The following DIAPH3 variants were observed in gnomAD, a reference collection of about 807,000 sequenced individuals.
The protein encoded by DIAPH3 is protein diaphanous homolog 3.
Under a neutral mutation model 144.3 loss-of-function variants are expected in DIAPH3, and 117 were observed. That is an observed-to-expected ratio of 0.81 (90% CI 0.70 to 0.95). The LOEUF is 0.95. DIAPH3 is among the 40% of genes least tolerant of loss of function. The pLI is 0.00. For synonymous variants in DIAPH3, 519 were observed against 488.9 expected, an observed-to-expected ratio of 1.06 and a Z score of -0.81; for missense variants, 1,421 against 1,412.7, an observed-to-expected ratio of 1.01 and a Z score of -0.09.
chr13:59,739,789 G>T lies in DIAPH3; in HGVS notation c.3319+34400C>A, dbSNP rs190675647. On this transcript the variant is annotated intron_variant, in intron 27 of 27. Transcript: ENST00000400324. Reference sequence around the variant, plus strand: ...CTACTCAAACATAATGGAGGACCCTGAAAAATACACAAGAGTATAAAGTCA... The same window carrying T: ...CTACTCAAACATAATGGAGGACCCTTAAAAATACACAAGAGTATAAAGTCA... Among the ~76,000 whole-genome samples, 19 of 152,054 alleles carry T rather than the reference G, an allele frequency of 1.2e-4. 1 individual carries two copies. In the East Asian group the frequency reaches 3.5e-3, roughly 28 times the overall value.
At position 59,974,412 on chromosome 13, in the gene DIAPH3, C is replaced by T. The variant is rs758896445; in HGVS notation, c.1590G>A (p.Leu530=). 6.2e-7 allele frequency: 1 copy of T among 1,611,558 alleles called. No homozygotes were observed. Among genetic ancestry groups the T allele is most frequent in the Non-Finnish European group, 8.5e-7 (1 of 1,179,340 alleles). ...FTDHQETQAE[L]QKKEAKINEL... is the part of the protein sequence containing the mutation. The stretch of plus-strand genomic sequence containing the variant: ...CATTAATCTTTGCCTCTTTTTTCTG[C>T]AATTCAGCCTGAGTTTCTTGGTGGT... Residue 530 remains leucine (L), a synonymous_variant, in exon 15 of 28, where the codon TTG becomes TTA. Transcript: ENST00000400324.
intron 3 of DIAPH3, among the ~76,000 whole-genome samples, chr13:60,102,713 G>A (rs1051322799): frequency 1.3e-5 from 2 of 152,132 alleles, no homozygotes; most frequent in African/African-American, 4.8e-5. Flanking sequence ...CACTTTTTCA[G>A]AGAACACTAG....
intron 3 of DIAPH3, among the ~76,000 whole-genome samples, chr13:60,106,456 T>C (rs980225399): frequency 6.6e-6 from 1 of 152,200 alleles, no homozygotes; most frequent in Non-Finnish European, 1.5e-5. Context: ...AGAATAGATT[T>C]ATGATGTCAG....
chr13:59,887,833 A>AT (rs1452023833), intron 20 of DIAPH3, among the ~76,000 whole-genome samples: 1 of 151,744 alleles, frequency 6.6e-6, no homozygotes, highest in Non-Finnish European at 1.5e-5. Flanking sequence ...GAATTTGTAT[A>AT]TTTTTCCATT....
intron 20 of DIAPH3, among the ~76,000 whole-genome samples, chr13:59,889,508 T>A (rs1403905058): frequency 6.6e-6 from 1 of 152,078 alleles, no homozygotes; most frequent in East Asian, 1.9e-4. Flanking sequence ...ACCATGTTTT[T>A]CTTTAATTCT....
intron 2 of DIAPH3, among the ~76,000 whole-genome samples, chr13:60,122,414 A>G (rs1241697178): frequency 6.6e-6 from 1 of 152,218 alleles, no homozygotes; most frequent in Admixed American, 6.5e-5. Flanking sequence ...TAATATGTAT[A>G]CAATTCTTTA....
At chr13:60,066,836 G>C (rs754071497) in intron 4 of DIAPH3, among the ~76,000 whole-genome samples, 4 of 152,102 alleles carry the variant, frequency 2.6e-5, no homozygotes, top group Admixed American at 6.5e-5. Context: ...ATTTTAGATT[G>C]CTCAATCATC....
At chr13:59,907,921 A>G (rs2046815088) in intron 20 of DIAPH3, among the ~76,000 whole-genome samples, 1 of 152,222 alleles carries the variant, frequency 6.6e-6, no homozygotes, top group African/African-American at 2.4e-5. Flanking sequence ...ATTACAGAAA[A>G]TGTGAAAAAT....
At chr13:60,008,084 G>A (rs1039426198) in intron 9 of DIAPH3, among the ~76,000 whole-genome samples, 11 of 152,020 alleles carry the variant, frequency 7.2e-5, no homozygotes, top group African/African-American at 2.4e-4. Flanking sequence ...AGTACAAATA[G>A]GAATTCTATA....
At chr13:59,832,948 A>G (rs969872909) in intron 24 of DIAPH3, 159 bp downstream of exon 24, 3 of 678,716 alleles carry the variant, frequency 4.4e-6, no homozygotes, top group Non-Finnish European at 7.7e-6. Flanking sequence ...AGAACAAACC[A>G]TACATTTTTC....
chr13:59,836,783 A>C (rs994900663), intron 23 of DIAPH3, among the ~76,000 whole-genome samples: 1 of 151,966 alleles, frequency 6.6e-6, no homozygotes, highest in African/African-American at 2.4e-5. Context: ...AATGAACCAA[A>C]CATTTGATAT....
At chr13:60,014,756 T>C (rs1049738429) in intron 7 of DIAPH3, among the ~76,000 whole-genome samples, 11 of 152,056 alleles carry the variant, frequency 7.2e-5, no homozygotes, top group African/African-American at 2.4e-4. Context: ...ACAGGTAAAA[T>C]TTCCCCCCCT....
intron 17 of DIAPH3, among the ~76,000 whole-genome samples, chr13:59,965,757 T>C (rs772943527): frequency 2.6e-5 from 4 of 152,160 alleles, no homozygotes; most frequent in Non-Finnish European, 5.9e-5. Flanking sequence ...ATGCTTCAAC[T>C]AAGTACTTGA....
At chr13:60,067,879 T>G (rs369765538) in intron 4 of DIAPH3, among the ~76,000 whole-genome samples, 2 of 152,280 alleles carry the variant, frequency 1.3e-5, no homozygotes, top group East Asian at 3.9e-4. Flanking sequence ...GCTTCTGTAT[T>G]TTAATCCCTA....
chr13:60,055,732 GAA>G (rs958517631), intron 4 of DIAPH3, among the ~76,000 whole-genome samples: 5 of 151,718 alleles, frequency 3.3e-5, no homozygotes, highest in Admixed American at 2.6e-4. Context: ...ATGAAAGAAA[GAA>G]ATGAAAAAAT....
intron 18 of DIAPH3, 106 bp downstream of exon 18, chr13:59,924,669 A>G: frequency 6.8e-7 from 1 of 1,473,074 alleles, no homozygotes; most frequent in Admixed American, 2.3e-5. Context: ...TGCATATAAT[A>G]ACAAAATGAA....
intron 25 of DIAPH3, among the ~76,000 whole-genome samples, chr13:59,797,750 A>C (rs578009576): frequency 1.3e-5 from 2 of 152,082 alleles, no homozygotes; most frequent in Admixed American, 6.6e-5. Flanking sequence ...CCATTGCCCT[A>C]CCTGAACCCC....
intron 17 of DIAPH3, among the ~76,000 whole-genome samples, chr13:59,962,582 G>A (rs1224847650): frequency 6.6e-6 from 1 of 152,122 alleles, no homozygotes; most frequent in Non-Finnish European, 1.5e-5. Flanking sequence ...ACTGCCATTA[G>A]GACCCAACGA....
At position 59,729,808 on chromosome 13, in the gene DIAPH3, A is replaced by ATTTTTTTTTTT. The variant is rs202135165; in HGVS notation, c.3319+44380_3319+44381insAAAAAAAAAAA. Among the ~76,000 whole-genome samples, 21 of 115,190 alleles carry ATTTTTTTTTTT rather than the reference A, an allele frequency of 1.8e-4. 1 individual carries two copies. The highest frequency in any genetic ancestry group is 5.5e-4 in the South Asian group (2 of 3,612). The allele number at this position is 115,190 out of a possible 152,430, so 75.6% of individuals were successfully genotyped here. A position where few individuals can be genotyped will look rare whatever the true frequency, so the allele number is the denominator to read the frequency against. ...TTTGTGACTTCCGGTGAATACATTA[A>ATTTTTTTTTTT]TATTTTTTTTTTTTTTTTTTTGAGA... On this transcript the variant is annotated intron_variant, in intron 27 of 27. Coordinates refer to ENST00000400324, the MANE Select transcript of DIAPH3 (RefSeq NM_001042517.2).
Sources: gnomAD v4.1 joint callset for allele counts (sites outside exome capture counted in the v4.1 genomes callset) on GRCh38, gnomAD v4.1.1 for gene constraint, MANE v1.5 for transcripts, NCBI Gene and HGNC (gene_info 2026-07-23, HGNC 2026-07-21) for gene names.